Variants in FIGN observed in about 807,000 individuals in gnomAD.
FIGN encodes the protein fidgetin, microtubule severing factor, also known as fidgetin.
FIGN carries 11 observed loss-of-function variants against 51.3 expected under a neutral mutation model. That is an observed-to-expected ratio of 0.21 (90% confidence interval 0.13 to 0.35). The LOEUF (loss-of-function observed/expected upper bound fraction) is 0.35. FIGN is among the 10% of genes least tolerant of loss of function. The probability of loss-of-function intolerance (pLI) is 1.00; values close to 1 mark genes in which losing one functional copy is unlikely to be tolerated. For synonymous variants in FIGN, 407 were observed against 363.2 expected (o/e 1.12, Z -1.37); for missense variants, 857 against 943.6 (o/e 0.91, Z 1.20).
intron 2 of FIGN, among the ~76,000 whole-genome samples, chr2:163,689,209 G>C (rs367607475): frequency 1.3e-3 from 65 of 51,284 alleles, no homozygotes; most frequent in South Asian, 4.5e-3. Context: ...AACACACACA[G>C]AGAGAGAGTG....
At chr2:163,683,798 G>A (rs1228692486) in intron 2 of FIGN, among the ~76,000 whole-genome samples, 4 of 152,262 alleles carry the variant, frequency 2.6e-5, no homozygotes, top group African/African-American at 9.6e-5. Context: ...TGAAATAGAA[G>A]GGCAGGGAGT....
At chr2:163,685,095 T>A (rs2105341536) in intron 2 of FIGN, among the ~76,000 whole-genome samples, 1 of 152,188 alleles carries the variant, frequency 6.6e-6, no homozygotes, top group South Asian at 2.1e-4. Context: ...AACTGTAACT[T>A]TCTTTAAGGT....
intron 2 of FIGN, among the ~76,000 whole-genome samples, chr2:163,705,076 G>T (rs193041663): frequency 6.6e-6 from 1 of 152,160 alleles, no homozygotes; most frequent in East Asian, 1.9e-4. Context: ...ACTTCTAAAT[G>T]GATGTATGTT....
chr2:163,661,682 G>A lies in FIGN; in HGVS notation c.26-49876C>T, dbSNP rs185509224. Among the ~76,000 whole-genome samples, 363 of 152,292 alleles carry A rather than the reference G, an allele frequency of 2.4e-3. 1 individual carries two copies. Among genetic ancestry groups the A allele is most frequent in the African/African-American group, 8.5e-3 (352 of 41,546 alleles). ...TCCCATGTGTTGTGGGAGAGACCCA[G>A]GGGGAGGTAACTGAATTATGGGAGC... is the stretch of plus-strand genomic sequence containing the variant. On this transcript the variant is annotated intron_variant, in intron 2 of 2. Coordinates refer to ENST00000333129, the MANE Select transcript of FIGN (RefSeq NM_018086.4).
intron 2 of FIGN, among the ~76,000 whole-genome samples, chr2:163,621,670 C>T (rs1000084401): frequency 6.6e-6 from 1 of 152,140 alleles, no homozygotes; most frequent in African/African-American, 2.4e-5. Context: ...TGAAATAGAC[C>T]TGAGCACCAC....
intron 2 of FIGN, among the ~76,000 whole-genome samples, chr2:163,650,206 T>A (rs1683449409): frequency 6.6e-6 from 1 of 152,096 alleles, no homozygotes; most frequent in African/African-American, 2.4e-5. Flanking sequence ...TCATTATTAT[T>A]GAATCGATAT....
At chr2:163,672,758 G>T (rs1400642448) in intron 2 of FIGN, among the ~76,000 whole-genome samples, 2 of 152,174 alleles carry the variant, frequency 1.3e-5, no homozygotes, top group East Asian at 3.9e-4. Context: ...GTTGTTCATA[G>T]AGTCATATGT....
At chr2:163,667,700 A>G (rs1683802819) in intron 2 of FIGN, among the ~76,000 whole-genome samples, 1 of 152,104 alleles carries the variant, frequency 6.6e-6, no homozygotes, top group African/African-American at 2.4e-5. Flanking sequence ...GCTTCATCCA[A>G]CTCTACATTC....
chr2:163,673,473 G>C (rs1683910361), intron 2 of FIGN, among the ~76,000 whole-genome samples: 1 of 152,038 alleles, frequency 6.6e-6, no homozygotes, highest in East Asian at 1.9e-4. Context: ...CTCAAGTTCA[G>C]TGAACTTTCC....
Position 163,610,274 on chromosome 2 carries a change from G to T in FIGN, c.1558C>A (p.Arg520=), listed in dbSNP as rs747600819. The change falls in exon 3 of 3, where the codon CGG becomes AGG. Residue 520 remains arginine (R), a synonymous_variant. Coordinates refer to ENST00000333129, the MANE Select transcript of FIGN (RefSeq NM_018086.4). The part of the protein sequence containing the change: ...DAFSGLTALP[R]SILLFGPRGT... Reference sequence around the variant, plus strand: ...CGAGGTCCAAATAAAAGGATGCTCCGAGGTAAGGCCGTCAGTCCACTGAAC... The same window carrying T: ...CGAGGTCCAAATAAAAGGATGCTCCTAGGTAAGGCCGTCAGTCCACTGAAC... The T allele has an allele frequency of 4.8e-5, 78 of 1,613,974 alleles. No individual in the cohort carries two copies. In the South Asian group the frequency reaches 8.2e-4, roughly 17 times the overall value.
rs184566582 is a variant in FIGN, at chr2:163,674,650, A to G, written c.25+60253T>C. The stretch of plus-strand genomic sequence containing the variant: ...TATTTTGAAGGATACCATAAAGTGG[A>G]AGCAAATTTAATTTTTTATATAAGC... On this transcript the variant is annotated intron_variant, in intron 2 of 2. Transcript: ENST00000333129. 3.9e-3 allele frequency among the ~76,000 whole-genome samples: 598 copies of G among 152,336 alleles called. 2 individuals carry two copies. The highest frequency in any genetic ancestry group is 6.5e-3 in the Non-Finnish European group (440 of 68,032).
At chr2:163,646,676 A>G (rs1352962312) in intron 2 of FIGN, among the ~76,000 whole-genome samples, 1 of 152,240 alleles carries the variant, frequency 6.6e-6, no homozygotes, top group Non-Finnish European at 1.5e-5. Context: ...ATTTTATTAT[A>G]AACATTTGGT....
intron 2 of FIGN, among the ~76,000 whole-genome samples, chr2:163,632,896 A>G (rs141925554): frequency 1.2e-3 from 188 of 152,268 alleles, no homozygotes; most frequent in Middle Eastern, 3.4e-3. Flanking sequence ...TTTTCCTAAA[A>G]ATAATTTTCC....
In FIGN at chr2:163,606,573, C is replaced by T. The variant is rs1030784773; in HGVS notation, c.*2979G>A. ...CATTACTCAGTTGTACTATCACCGA[C>T]TGTACACATTCACTTCTGAGGATGT... On this transcript the variant is annotated 3_prime_UTR_variant, in exon 3 of 3. Coordinates refer to ENST00000333129, the MANE Select transcript of FIGN (RefSeq NM_018086.4). 5.3e-5 allele frequency: 8 copies of T among 152,278 alleles called. No individual in the cohort carries two copies. Among genetic ancestry groups the T allele is most frequent in the Admixed American group, 1.3e-4 (2 of 15,274 alleles). The allele number at this position is 152,278 out of a possible 1,614,324, so 9.4% of individuals were successfully genotyped here.
intron 2 of FIGN, among the ~76,000 whole-genome samples, chr2:163,630,675 A>AAG (rs1683132678): frequency 7.0e-6 from 1 of 143,156 alleles, no homozygotes; most frequent in Non-Finnish European, 1.5e-5. Context: ...TACAAAAAAA[A>AAG]GGGGGGGGGG....
intron 2 of FIGN, chr2:163,612,361 A>G (rs771814638): frequency 2.0e-5 from 20 of 985,276 alleles, no homozygotes; most frequent in Non-Finnish European, 2.4e-5. Flanking sequence ...CCTAGTTAGC[A>G]CAGTATAATG....
chr2:163,619,736 T>C (rs2105304700), intron 2 of FIGN, among the ~76,000 whole-genome samples: 1 of 152,268 alleles, frequency 6.6e-6, no homozygotes, highest in East Asian at 1.9e-4. Flanking sequence ...ATTCACTATA[T>C]GATCAGGACA....
At chr2:163,703,815 G>C (rs2105352144) in intron 2 of FIGN, among the ~76,000 whole-genome samples, 1 of 152,122 alleles carries the variant, frequency 6.6e-6, no homozygotes, top group Middle Eastern at 3.4e-3. Context: ...CCCCAAAATG[G>C]AGATTTCATA....
chr2:163,666,163 G>T (rs1056232534), intron 2 of FIGN, among the ~76,000 whole-genome samples: 3 of 152,144 alleles, frequency 2.0e-5, no homozygotes, highest in Non-Finnish European at 2.9e-5. Flanking sequence ...AAAGAATATG[G>T]ATGCAGGAAG....
Sources: allele counts gnomAD v4.1 joint callset (sites outside exome capture counted in the v4.1 genomes callset), GRCh38; gene constraint gnomAD v4.1.1; transcripts MANE v1.5; gene names NCBI Gene and HGNC (gene_info 2026-07-23, HGNC 2026-07-21).